Variants in ZNF440 observed in about 807,000 individuals in gnomAD.
ZNF440 encodes zinc finger protein 440.
Under a neutral mutation model 49.7 loss-of-function variants are expected in ZNF440, and 47 were observed. The ratio of observed to expected loss-of-function variants is 0.95; its 90% CI spans 0.75 to 1.21. The LOEUF is 1.21. Among genes scored for constraint, ZNF440 ranks in the 50% most tolerant of loss-of-function variants. The probability of loss-of-function intolerance (pLI) is 0.00; values close to 1 mark genes in which losing one functional copy is unlikely to be tolerated. For synonymous variants in ZNF440, 255 were observed against 237.7 expected, an observed-to-expected ratio of 1.07 and a Z score of -0.67; for missense variants, 703 against 715.0, an observed-to-expected ratio of 0.98 and a Z score of 0.19.
chr19:11,814,575 C>A lies in ZNF440; in HGVS notation c.3+125C>A. ...GGTCGTGGACGCGAGTCCCCTCGGT[C>A]GCAGGGTGGGGCTGGGCCGGCAGCC... On this transcript the variant is annotated intron_variant, in intron 1 of 3. Coordinates refer to ENST00000304060, the MANE Select transcript of ZNF440 (RefSeq NM_152357.3). 2.5e-6 allele frequency: 3 copies of A among 1,181,470 alleles called. No individual in the cohort carries two copies. The South Asian group carries it at 5.9e-5, about 23-fold the overall frequency. The allele number at this position is 1,181,470 out of a possible 1,614,324, so 73.2% of individuals were successfully genotyped here.
Position 11,833,831 on chromosome 19 carries a change from TA to T in ZNF440, c.*869del. On this transcript the variant is annotated 3_prime_UTR_variant, in exon 4 of 4. Transcript: ENST00000304060. ...ACACTGGAGAAAAACCCTATGAATG[TA>T]AGCAGTATGGGAAAGCGTTCAGACC... 1 of 716,258 alleles carries T rather than the reference TA, an allele frequency of 1.4e-6. No individual in the cohort carries two copies. The highest frequency in any genetic ancestry group is 2.4e-5 in the South Asian group (1 of 40,948). The allele number at this position is 716,258 out of a possible 1,614,324, so 44.4% of individuals were successfully genotyped here. A position where few individuals can be genotyped will look rare whatever the true frequency, so the allele number is the denominator to read the frequency against.
intron 1 of ZNF440, among the ~76,000 whole-genome samples, chr19:11,819,562 C>T (rs980827979): frequency 6.6e-6 from 1 of 152,114 alleles, no homozygotes; most frequent in Non-Finnish European, 1.5e-5. Context: ...CCACACTTGG[C>T]TAATTTTTAT....
At chr19:11,829,972 A>G (rs554511796) in intron 1 of ZNF440, 1 of 333,764 alleles carries the variant, frequency 3.0e-6, no homozygotes, top group South Asian at 6.0e-5. Context: ...AAAATACAAC[A>G]TTAGCCAGGC....
At chr19:11,831,278 G>C (rs942929983) in intron 3 of ZNF440, 90 bp from the exon 4 acceptor site, 40 of 1,475,368 alleles carry the variant, frequency 2.7e-5, no homozygotes, top group African/African-American at 2.1e-4. Context: ...CTTTGATGGA[G>C]AGTGTTAAAA....
intron 1 of ZNF440, among the ~76,000 whole-genome samples, chr19:11,818,314 A>G (rs978281964): frequency 6.6e-6 from 1 of 152,150 alleles, no homozygotes; most frequent in Non-Finnish European, 1.5e-5. Flanking sequence ...GAGTGTAAGG[A>G]TACTTGCAGG....
intron 1 of ZNF440, among the ~76,000 whole-genome samples, chr19:11,819,552 C>A (rs1975773823): frequency 6.6e-6 from 1 of 152,144 alleles, no homozygotes; most frequent in African/African-American, 2.4e-5. Flanking sequence ...GTGCGTACCA[C>A]CACACTTGGC....
chr19:11,824,706 C>CTTTTTTTTTTT (rs71166634), intron 1 of ZNF440, among the ~76,000 whole-genome samples: 1 of 120,544 alleles, frequency 8.3e-6, no homozygotes. Context: ...CCCCACCACC[C>CTTTTTTTTTTT]TTTTTTTTTT....
chr19:11,832,382 G>A lies in ZNF440; in HGVS notation c.1206G>A (p.Gly402=), dbSNP rs1026705486. 3 of 1,613,080 alleles carry A rather than the reference G, an allele frequency of 1.9e-6. No homozygotes were observed. The African/African-American group carries it at 4.0e-5, about 22-fold the overall frequency. The change falls in exon 4 of 4, where the codon GGG becomes GGA. Residue 402 remains glycine (G), a synonymous_variant. Transcript: ENST00000304060. The part of the protein sequence containing the change: ...GEKPYECKQC[G]KAFRSASHLR... Reference sequence around the variant, plus strand: ...AACCCTATGAGTGTAAGCAATGTGGGAAAGCCTTCAGATCTGCCTCACACC... The same window carrying A: ...AACCCTATGAGTGTAAGCAATGTGGAAAAGCCTTCAGATCTGCCTCACACC...
At chr19:11,828,896 C>T (rs1208073836) in intron 1 of ZNF440, among the ~76,000 whole-genome samples, 1 of 151,978 alleles carries the variant, frequency 6.6e-6, no homozygotes, top group Non-Finnish European at 1.5e-5. Flanking sequence ...GCTGGTCAGG[C>T]TGATCTTGAA....
chr19:11,825,459 C>G (rs1975852153), intron 1 of ZNF440, among the ~76,000 whole-genome samples: 1 of 152,174 alleles, frequency 6.6e-6, no homozygotes, highest in Non-Finnish European at 1.5e-5. Flanking sequence ...CCTCTCCCCT[C>G]CCTCTTTTGC....
At position 11,832,700 on chromosome 19, in the gene ZNF440, C is replaced by T. The variant is rs1351101506; in HGVS notation, c.1524C>T (p.Leu508=). 2.5e-6 allele frequency: 4 copies of T among 1,614,008 alleles called. No individual in the cohort carries two copies. The East Asian group carries it at 6.7e-5, about 27-fold the overall frequency. ...VPVPFDIMKG[L]TLERSPINAS... ...TTCCTTTTGATATCATGAAAGGACT[C>T]ACACTGGAGAGAAGCCCTATAAATG... Residue 508 remains leucine (L), a synonymous_variant, in exon 4 of 4, where the codon CTC becomes CTT. Coordinates refer to ENST00000304060, the MANE Select transcript of ZNF440 (RefSeq NM_152357.3).
Position 11,833,781 on chromosome 19 carries a change from C to T in ZNF440, c.*817C>T. The T allele has an allele frequency of 1.2e-6, 1 of 845,198 alleles. No individual in the cohort carries two copies. The highest frequency in any genetic ancestry group is 1.7e-6 in the Non-Finnish European group (1 of 574,646). The allele number at this position is 845,198 out of a possible 1,614,324, so 52.4% of individuals were successfully genotyped here. On this transcript the variant is annotated 3_prime_UTR_variant, in exon 4 of 4. Transcript: ENST00000304060. The stretch of plus-strand genomic sequence containing the variant: ...TGGGAAAGCCTTCAGATCAGCCTCG[C>T]ACCTTCAAATGCATGGAAGGACTCA...
intron 1 of ZNF440, among the ~76,000 whole-genome samples, chr19:11,815,268 C>T (rs1431841745): frequency 7.4e-6 from 1 of 134,542 alleles, no homozygotes; most frequent in Non-Finnish European, 1.6e-5. Flanking sequence ...CAGAGCGAGA[C>T]AACTGGGCAA....
chr19:11,831,297 G>A, intron 3 of ZNF440, 71 bp from the exon 4 acceptor site: 3 of 1,537,026 alleles, frequency 2.0e-6, no homozygotes, highest in Non-Finnish European at 2.6e-6. Flanking sequence ...AAATGCAAGT[G>A]CAATACTTGT....
rs551063049 is a variant in ZNF440 at position 11,818,370 on chromosome 19, G to A, written c.3+3920G>A. 7.2e-5 allele frequency among the ~76,000 whole-genome samples: 11 copies of A among 152,276 alleles called. 2 individuals carry two copies. Among genetic ancestry groups the A allele is most frequent in the African/African-American group, 2.6e-4 (11 of 41,568 alleles). Reference sequence around the variant, plus strand: ...CATGGGAAACATTTTGTGATCATGGGTTGCGACTGGCAAGGAGTGTTTCTT... The same window carrying A: ...CATGGGAAACATTTTGTGATCATGGATTGCGACTGGCAAGGAGTGTTTCTT... On this transcript the variant is annotated intron_variant, in intron 1 of 3. Transcript: ENST00000304060.
intron 1 of ZNF440, among the ~76,000 whole-genome samples, chr19:11,815,284 T>TCACTCACACACACACA (rs770849579): frequency 7.9e-4 from 96 of 121,122 alleles, no homozygotes; most frequent in African/African-American, 3.0e-3. Flanking sequence ...GGCAACTCCG[T>TCACTCACACACACACA]CACACACACA....
chr19:11,814,474 C>T (rs748958722), intron 1 of ZNF440, 24 bp downstream of exon 1: 3 of 1,511,042 alleles, frequency 2.0e-6, no homozygotes, highest in Admixed American at 2.2e-5. Context: ...GGCTGGCGTC[C>T]GGGCGACTGG....
chr19:11,824,941 T>C (rs962060888), intron 1 of ZNF440, among the ~76,000 whole-genome samples: 5 of 151,928 alleles, frequency 3.3e-5, no homozygotes, highest in African/African-American at 9.7e-5. Context: ...ACTCCTGACC[T>C]TGTGATTCGC....
chr19:11,832,206 A>T lies in ZNF440; in HGVS notation c.1030A>T (p.Ile344Leu). The stretch of plus-strand genomic sequence containing the variant: ...TGGAGAAAGACCTTATGAATGTAAG[A>T]TATGTGGAAAAGACTTTTGTTCTGT... ...HSGERPYECK[I>L]CGKDFCSVNS... Residue 344 changes from isoleucine to leucine, a missense_variant, in exon 4 of 4, where the codon ATA (isoleucine) becomes TTA (leucine). By Grantham distance (5) the Ile-to-Leu change is conservative. Coordinates refer to ENST00000304060, the MANE Select transcript of ZNF440 (RefSeq NM_152357.3). 6.2e-7 allele frequency: 1 copy of T among 1,614,204 alleles called. No individual in the cohort carries two copies. Among genetic ancestry groups the T allele is most frequent in the East Asian group, 2.2e-5 (1 of 44,884 alleles).
Sources: allele counts gnomAD v4.1 joint callset (sites outside exome capture counted in the v4.1 genomes callset), GRCh38; gene constraint gnomAD v4.1.1; transcripts MANE v1.5; gene names NCBI Gene and HGNC (gene_info 2026-07-23, HGNC 2026-07-21).